Variants in CACNG4 observed in about 807,000 individuals in gnomAD.
The protein encoded by CACNG4 is voltage-dependent calcium channel gamma-4 subunit.
In CACNG4, 8 loss-of-function variants were observed where a neutral mutation model predicts 22.9. The observed-to-expected ratio is 0.35, with a 90% CI of 0.21 to 0.63. The LOEUF is 0.63. Among genes scored for constraint, CACNG4 ranks in the 30% least tolerant of loss-of-function variants. The pLI is 0.72. For synonymous variants in CACNG4, 188 were observed against 191.9 expected, an observed-to-expected ratio of 0.98 and a Z score of 0.17; for missense variants, 357 against 455.4, an observed-to-expected ratio of 0.78 and a Z score of 1.97.
chr17:66,991,021 T>C (rs1238816578), intron 1 of CACNG4, among the ~76,000 whole-genome samples: 2 of 152,048 alleles, frequency 1.3e-5, no homozygotes, highest in East Asian at 1.9e-4. Context: ...AATACCAGAC[T>C]CAAAGGGCTG....
intron 1 of CACNG4, among the ~76,000 whole-genome samples, chr17:66,997,677 C>T (rs771819167): frequency 2.6e-5 from 4 of 152,064 alleles, no homozygotes; most frequent in Non-Finnish European, 5.9e-5. Context: ...ATTAGCTGGG[C>T]GTGGTAGCAC....
At chr17:67,010,204 T>C (rs1216465796) in intron 1 of CACNG4, among the ~76,000 whole-genome samples, 2 of 152,230 alleles carry the variant, frequency 1.3e-5, no homozygotes, top group African/African-American at 4.8e-5. Flanking sequence ...GACTACTCGC[T>C]GTCCCAGTGG....
At chr17:66,977,414 T>C (rs1462988910) in intron 1 of CACNG4, among the ~76,000 whole-genome samples, 1 of 152,012 alleles carries the variant, frequency 6.6e-6, no homozygotes, top group Non-Finnish European at 1.5e-5. Context: ...TGTGTGATGG[T>C]CAATAGGACG....
At chr17:67,001,422 C>T (rs1271648865) in intron 1 of CACNG4, among the ~76,000 whole-genome samples, 1 of 152,150 alleles carries the variant, frequency 6.6e-6, no homozygotes, top group African/African-American at 2.4e-5. Flanking sequence ...CTTTTGCCGC[C>T]TCAGACAGGC....
chr17:67,016,199 G>T (rs529169460), intron 1 of CACNG4, among the ~76,000 whole-genome samples: 1 of 152,308 alleles, frequency 6.6e-6, no homozygotes, highest in African/African-American at 2.4e-5. Context: ...AGATCCCCAG[G>T]ATATAAGGGC....
At chr17:66,967,247 A>G (rs2035176271) in intron 1 of CACNG4, among the ~76,000 whole-genome samples, 1 of 152,200 alleles carries the variant, frequency 6.6e-6, no homozygotes, top group African/African-American at 2.4e-5. Flanking sequence ...AGCTGGCTCC[A>G]CTAGCAGAGG....
Position 67,031,333 on chromosome 17 carries a change from T to C in CACNG4, c.*329T>C. On this transcript the variant is annotated 3_prime_UTR_variant, in exon 4 of 4. Transcript: ENST00000262138. This position sits in a 1 kb window ranked among gnomAD's most constrained non-coding sequence, Gnocchi z 4.0. ...AACTTGGGAAGACAAAATTGAGCCA[T>C]TATCTCCTCTTGGAAACGAATCTTG... 1 of 531,402 alleles carries C rather than the reference T, an allele frequency of 1.9e-6. No individual in the cohort carries two copies. The highest frequency in any genetic ancestry group is 3.6e-6 in the Non-Finnish European group (1 of 276,742). 32.9% of individuals were successfully genotyped at this position (531,402 alleles called of 1,614,324 possible). A position where few individuals can be genotyped will look rare whatever the true frequency, so the allele number is the denominator to read the frequency against.
At chr17:67,017,175 C>A (rs2035503521) in intron 1 of CACNG4, among the ~76,000 whole-genome samples, 1 of 152,116 alleles carries the variant, frequency 6.6e-6, no homozygotes, top group Non-Finnish European at 1.5e-5. Flanking sequence ...CTCCCAGGCT[C>A]AAGTGATCCT....
At chr17:66,990,350 C>T (rs990578992) in intron 1 of CACNG4, among the ~76,000 whole-genome samples, 4 of 152,226 alleles carry the variant, frequency 2.6e-5, no homozygotes, top group African/African-American at 7.2e-5. Flanking sequence ...ACAGGAACAT[C>T]TCTGATTTCT....
At chr17:66,986,844 A>C (rs2035308257) in intron 1 of CACNG4, among the ~76,000 whole-genome samples, 1 of 152,186 alleles carries the variant, frequency 6.6e-6, no homozygotes, top group Non-Finnish European at 1.5e-5. Context: ...GTCATACTGG[A>C]TTAGGGTCTA....
chr17:66,999,768 C>A (rs2035397042), intron 1 of CACNG4, among the ~76,000 whole-genome samples: 1 of 152,148 alleles, frequency 6.6e-6, no homozygotes, highest in African/African-American at 2.4e-5. Context: ...GGAATACAAT[C>A]CGAGATGAGA....
intron 2 of CACNG4, among the ~76,000 whole-genome samples, chr17:67,021,115 C>A (rs1187650722): frequency 1.3e-5 from 2 of 151,886 alleles, no homozygotes; most frequent in African/African-American, 4.8e-5. Context: ...GTGGGCGGAT[C>A]ATTTGAGCCG....
chr17:66,986,602 G>A (rs891937682), intron 1 of CACNG4, among the ~76,000 whole-genome samples: 2 of 152,204 alleles, frequency 1.3e-5, no homozygotes, highest in African/African-American at 2.4e-5. Context: ...GCTCCAGGGG[G>A]AGGGCACAGA....
intron 3 of CACNG4, among the ~76,000 whole-genome samples, chr17:67,025,906 C>G (rs926942405): frequency 6.6e-6 from 1 of 150,942 alleles, no homozygotes; most frequent in South Asian, 2.1e-4. Context: ...TGCCGGGCCC[C>G]GGTTCTACAC....
At chr17:66,973,763 G>C (rs2035219064) in intron 1 of CACNG4, among the ~76,000 whole-genome samples, 1 of 152,222 alleles carries the variant, frequency 6.6e-6, no homozygotes, top group South Asian at 2.1e-4. Context: ...GCATGGGCTT[G>C]GTCTCCTGGG....
chr17:67,030,847 T>G lies in CACNG4; in HGVS notation c.827T>G (p.Met276Arg), dbSNP rs762265124. Reference protein sequence around the residue: ...TGAIPMGELSMYTLSREPLKV... With the variant: ...TGAIPMGELSRYTLSREPLKV... The stretch of plus-strand genomic sequence containing the variant: ...GCCATCCCCATGGGGGAGCTGTCCA[T>G]GTACACGCTGTCCAGGGAGCCCCTC... Residue 276 changes from methionine to arginine, a missense_variant, in exon 4 of 4, where the codon ATG (methionine) becomes AGG (arginine). Physicochemically the swap from Met to Arg is moderately conservative, Grantham distance 91. This residue lies in a region of CACNG4 where 240 missense variants were observed against 277.6 expected (regional missense o/e 0.86). Coordinates refer to ENST00000262138, the MANE Select transcript of CACNG4 (RefSeq NM_014405.4). The surrounding 1 kb of genome is among the most constrained non-coding windows in gnomAD (Gnocchi z 6.4). 2 of 1,613,556 alleles carry G rather than the reference T, an allele frequency of 1.2e-6. No homozygotes were observed. Among genetic ancestry groups the G allele is most frequent in the African/African-American group, 2.7e-5 (2 of 74,902 alleles).
Position 67,011,829 on chromosome 17 carries a change from C to A in CACNG4, c.221-6360C>A, listed in dbSNP as rs1399094177. Among the ~76,000 whole-genome samples the A allele has an allele frequency of 3.3e-5, 5 of 152,118 alleles. No homozygotes were observed. In the East Asian group the frequency reaches 9.6e-4, roughly 29 times the overall value. ...CTCTTTCCTTTTTATGCACAGTCGT[C>A]CCCTCCTAGATCCTAAAGGGGAGTT... is the stretch of plus-strand genomic sequence containing the variant. On this transcript the variant is annotated intron_variant, in intron 1 of 3. Transcript: ENST00000262138.
chr17:66,978,813 A>T (rs1449148043), intron 1 of CACNG4, among the ~76,000 whole-genome samples: 1 of 152,198 alleles, frequency 6.6e-6, no homozygotes, highest in Non-Finnish European at 1.5e-5. Context: ...CCTGATATCC[A>T]ACTCCTCTTG....
At chr17:66,999,361 C>T (rs144002663) in intron 1 of CACNG4, among the ~76,000 whole-genome samples, 6 of 152,270 alleles carry the variant, frequency 3.9e-5, no homozygotes, top group African/African-American at 9.6e-5. Context: ...CCACAGACTT[C>T]GGTCCTGTGT....
Sources: gnomAD v4.1 joint callset for allele counts (sites outside exome capture counted in the v4.1 genomes callset) on GRCh38, gnomAD v4.1.1 for gene constraint, gnomAD v4.1.1 regional missense constraint, Gnocchi (gnomAD v3.1) non-coding constraint, MANE v1.5 for transcripts, NCBI Gene and HGNC (gene_info 2026-07-23, HGNC 2026-07-21) for gene names.